The following PITPNM3 variants were observed in gnomAD, a reference collection of about 807,000 sequenced individuals.
The protein encoded by PITPNM3 is membrane-associated phosphatidylinositol transfer protein 3.
In PITPNM3, 26 loss-of-function variants were observed where a neutral mutation model predicts 102.0. The ratio of observed to expected loss-of-function variants is 0.25; its 90% CI spans 0.19 to 0.35. PITPNM3 has a LOEUF of 0.35. PITPNM3 is among the 10% of genes least tolerant of loss of function. The probability of loss-of-function intolerance (pLI) is 1.00; values close to 1 mark genes in which losing one functional copy is unlikely to be tolerated. For missense variants in PITPNM3, 1,083 were observed against 1,346.1 expected, an observed-to-expected ratio of 0.80 and a Z score of 3.06; for synonymous variants, 578 against 558.6, an observed-to-expected ratio of 1.03 and a Z score of -0.49.
chr17:6,530,433 G>A (rs1031348150), intron 2 of PITPNM3, among the ~76,000 whole-genome samples: 5 of 152,180 alleles, frequency 3.3e-5, no homozygotes, highest in Admixed American at 6.5e-5. Context: ...AGCAGATTCC[G>A]CAACACAGAA....
intron 1 of PITPNM3, among the ~76,000 whole-genome samples, chr17:6,542,545 G>A (rs1283558732): frequency 1.3e-5 from 2 of 152,232 alleles, no homozygotes; most frequent in African/African-American, 4.8e-5. Context: ...AAATCTGGGT[G>A]CAGTGTTACC....
At chr17:6,512,258 A>T (rs972173100) in intron 3 of PITPNM3, among the ~76,000 whole-genome samples, 1 of 152,234 alleles carries the variant, frequency 6.6e-6, no homozygotes, top group African/African-American at 2.4e-5. Flanking sequence ...TAATTCGATG[A>T]CAGCAGGTTT....
Position 6,494,067 on chromosome 17 carries a change from TCTAGTCCTCATCCGGTGTCTCA to T in PITPNM3, c.274+9438_274+9459del, listed in dbSNP as rs1350999375. Among the ~76,000 whole-genome samples the T allele has an allele frequency of 3.3e-5, 5 of 152,304 alleles. No individual in the cohort carries two copies. The South Asian group carries it at 1.0e-3, about 32-fold the overall frequency. On this transcript the variant is annotated intron_variant, in intron 4 of 19. Coordinates refer to ENST00000262483, the MANE Select transcript of PITPNM3 (RefSeq NM_031220.4). ...ACAGCCCTAAGACTGGTCCTGAGTT[TCTAGTCCTCATCCGGTGTCTCA>T]GGCAATCTTCACATTCATCCTGTGA...
Position 6,503,568 on chromosome 17 carries a change from C to G in PITPNM3, c.233G>C (p.Gly78Ala), listed in dbSNP as rs950271298. The G allele has an allele frequency of 6.2e-7, 1 of 1,610,184 alleles. No homozygotes were observed. Among genetic ancestry groups the G allele is most frequent in the Non-Finnish European group, 8.5e-7 (1 of 1,179,996 alleles). Residue 78 changes from glycine to alanine, a missense_variant, in exon 4 of 20, where the codon GGG (glycine) becomes GCG (alanine). Around this residue, in one of 5 missense-constraint regions of PITPNM3, gnomAD observed 290 missense variants for 337.8 expected, o/e 0.86. Transcript: ENST00000262483. Reference protein sequence around the residue: ...MGKLDEHQGEGTAPCTSSILQ... With the variant: ...MGKLDEHQGEATAPCTSSILQ... ...GATGCTGGATGTGCACGGCGCGGTCCCTTCTCCTGCAGAAAAAGAAAAGAA... is the reference window on the plus strand; with the variant it reads ...GATGCTGGATGTGCACGGCGCGGTCGCTTCTCCTGCAGAAAAAGAAAAGAA...
At chr17:6,509,879 A>C (rs775088326) in intron 3 of PITPNM3, among the ~76,000 whole-genome samples, 1 of 152,098 alleles carries the variant, frequency 6.6e-6, no homozygotes, top group East Asian at 1.9e-4. Flanking sequence ...CACTCCCAAG[A>C]AGGCCCCTAA....
rs1904650774 is a variant in PITPNM3, at chr17:6,464,286, T to C, written c.2040A>G (p.Ser680=). The C allele has an allele frequency of 1.2e-6, 2 of 1,613,882 alleles. No individual in the cohort carries two copies. The highest frequency in any genetic ancestry group is 1.7e-6 in the Non-Finnish European group (2 of 1,180,004). The change falls in exon 16 of 20, where the codon TCA becomes TCG. Residue 680 remains serine, a synonymous_variant. Transcript: ENST00000262483. ...VDILVMAEPS[S]GRWVHLDTEI... ...CTGTGTCCAGGTGTACCCAGCGGCC[T>C]GAGGATGGCTCTGCCATTACTAGGA... is the stretch of plus-strand genomic sequence containing the variant.
intron 1 of PITPNM3, among the ~76,000 whole-genome samples, chr17:6,548,282 G>A (rs1910133851): frequency 6.6e-6 from 1 of 152,230 alleles, no homozygotes; most frequent in Admixed American, 6.5e-5. Flanking sequence ...CCAAAGCACA[G>A]TGCCAGGAAT....
At chr17:6,476,494 C>T (rs540744415) in intron 9 of PITPNM3, among the ~76,000 whole-genome samples, 3 of 152,272 alleles carry the variant, frequency 2.0e-5, no homozygotes, top group Admixed American at 2.0e-4. Flanking sequence ...GAGGAGCCTG[C>T]CTGGCCCATA....
intron 4 of PITPNM3, among the ~76,000 whole-genome samples, chr17:6,501,084 T>A (rs1907139169): frequency 6.6e-6 from 1 of 152,172 alleles, no homozygotes. Context: ...TCACTAAACA[T>A]CTCATCAATT....
In PITPNM3 at chr17:6,547,234, G is replaced by C. The variant is rs546570343; in HGVS notation, c.22+9151C>G. On this transcript the variant is annotated intron_variant, in intron 1 of 19. Coordinates refer to ENST00000262483, the MANE Select transcript of PITPNM3 (RefSeq NM_031220.4). ...GGGAGTCTCCAAGCAGGGCACAGTT[G>C]GCCAAACCAGTTGCTTTGGGGAAAA... 2.8e-4 allele frequency among the ~76,000 whole-genome samples: 42 copies of C among 152,260 alleles called. No individual in the cohort carries two copies. In the East Asian group the frequency reaches 4.6e-3, roughly 17 times the overall value.
chr17:6,544,137 G>A (rs908727377), intron 1 of PITPNM3, among the ~76,000 whole-genome samples: 1 of 152,258 alleles, frequency 6.6e-6, no homozygotes, highest in East Asian at 1.9e-4. Flanking sequence ...CTACTGGCCT[G>A]TGGCCACAGC....
intron 18 of PITPNM3, among the ~76,000 whole-genome samples, 182 bp downstream of exon 18, chr17:6,461,191 G>A (rs1904430697): frequency 6.6e-6 from 1 of 152,214 alleles, no homozygotes; most frequent in Non-Finnish European, 1.5e-5. Flanking sequence ...TTTCTCCTCT[G>A]TCAACGACGA....
chr17:6,457,462 T>C lies in PITPNM3; in HGVS notation c.2619+132A>G. ...GGCCCAAGGCAGGCACCCCGAAGTG[T>C]TTGTTGAATAAATGAATGAGCAAAT... On this transcript the variant is annotated intron_variant, in intron 19 of 19. Coordinates refer to ENST00000262483, the MANE Select transcript of PITPNM3 (RefSeq NM_031220.4). This position sits in a 1 kb window ranked among gnomAD's most constrained non-coding sequence, Gnocchi z 4.7. 1 of 1,453,262 alleles carries C rather than the reference T, an allele frequency of 6.9e-7. No homozygotes were observed. The highest frequency in any genetic ancestry group is 9.3e-7 in the Non-Finnish European group (1 of 1,071,742). The allele number at this position is 1,453,262 out of a possible 1,614,324, so 90.0% of individuals were successfully genotyped here. A position where few individuals can be genotyped will look rare whatever the true frequency, so the allele number is the denominator to read the frequency against.
At chr17:6,530,441 G>A (rs191848428) in intron 2 of PITPNM3, among the ~76,000 whole-genome samples, 103 of 152,324 alleles carry the variant, frequency 6.8e-4, no homozygotes, top group African/African-American at 2.2e-3. Context: ...CCGCAACACA[G>A]AACCCAGCTC....
At chr17:6,545,530 C>G in intron 1 of PITPNM3, among the ~76,000 whole-genome samples, 1 of 152,186 alleles carries the variant, frequency 6.6e-6, no homozygotes, top group East Asian at 1.9e-4. Flanking sequence ...AGGCCAGGAC[C>G]TGCTCTCCCA....
At chr17:6,474,651 G>A (rs1001591386) in intron 9 of PITPNM3, 47 bp from the exon 10 acceptor site, 20 of 1,528,132 alleles carry the variant, frequency 1.3e-5, no homozygotes, top group African/African-American at 6.9e-5. Flanking sequence ...GGGAAGGACC[G>A]AGAATGCGGG....
rs1428471647 is a variant in PITPNM3, at chr17:6,457,852, G to C, written c.2491-130C>G. On this transcript the variant is annotated intron_variant, in intron 18 of 19. Transcript: ENST00000262483. This position sits in a 1 kb window ranked among gnomAD's most constrained non-coding sequence, Gnocchi z 4.7. ...CACTCTGGTAGACTCCAAGCCATGG[G>C]GCCACCCTGTGTCAGGAATGAACCC... The C allele has an allele frequency of 4.5e-6, 6 of 1,325,166 alleles. No individual in the cohort carries two copies. The highest frequency in any genetic ancestry group is 6.3e-6 in the Non-Finnish European group (6 of 959,048). The allele number at this position is 1,325,166 out of a possible 1,614,324, so 82.1% of individuals were successfully genotyped here.
chr17:6,536,304 G>A (rs1046432224), intron 2 of PITPNM3, among the ~76,000 whole-genome samples: 1 of 152,168 alleles, frequency 6.6e-6, no homozygotes, highest in African/African-American at 2.4e-5. Flanking sequence ...GCTGACCCTC[G>A]CGCCACCCAC....
intron 17 of PITPNM3, among the ~76,000 whole-genome samples, chr17:6,462,526 C>T (rs927817169): frequency 2.0e-5 from 3 of 152,192 alleles, no homozygotes; most frequent in African/African-American, 4.8e-5. Flanking sequence ...TTCAAGACCC[C>T]CCTTCCTCCA....
Sources: gnomAD v4.1 joint callset for allele counts (sites outside exome capture counted in the v4.1 genomes callset) on GRCh38, gnomAD v4.1.1 for gene constraint, gnomAD v4.1.1 regional missense constraint, Gnocchi (gnomAD v3.1) non-coding constraint, MANE v1.5 for transcripts, NCBI Gene and HGNC (gene_info 2026-07-23, HGNC 2026-07-21) for gene names.